Variants in SYK observed in about 807,000 individuals in gnomAD.
The protein encoded by SYK is spleen associated tyrosine kinase.
Under a neutral mutation model 77.8 loss-of-function variants are expected in SYK, and 16 were observed. That is an observed-to-expected ratio of 0.21 (90% CI 0.14 to 0.31). The LOEUF (loss-of-function observed/expected upper bound fraction) is 0.31. Among genes scored for constraint, SYK ranks in the 10% least tolerant of loss-of-function variants. The pLI, the probability that SYK is intolerant of heterozygous loss-of-function variation, is 1.00. For missense variants in SYK, 529 were observed against 814.4 expected, an observed-to-expected ratio of 0.65 and a Z score of 4.26; for synonymous variants, 312 against 308.7, an observed-to-expected ratio of 1.01 and a Z score of -0.11.
chr9:90,862,495 C>A lies in SYK; in HGVS notation c.717+151C>A, dbSNP rs984475315. 7.6e-5 allele frequency: 73 copies of A among 965,988 alleles called. No homozygotes were observed. The African/African-American group carries it at 1.1e-3, about 15-fold the overall frequency. The allele number at this position is 965,988 out of a possible 1,614,324, so 59.8% of individuals were successfully genotyped here. A position where few individuals can be genotyped will look rare whatever the true frequency, so the allele number is the denominator to read the frequency against. On this transcript the variant is annotated intron_variant, in intron 4 of 13. Coordinates refer to ENST00000375754, the MANE Select transcript of SYK (RefSeq NM_003177.7). ...CAGTAGCTCTGGAGCTCATGAGAAA[C>A]ACACACCTGGACCACACCTGGGCTC...
chr9:90,846,361 T>A (rs1826593677), intron 3 of SYK, among the ~76,000 whole-genome samples: 1 of 152,208 alleles, frequency 6.6e-6, no homozygotes, highest in Non-Finnish European at 1.5e-5. Flanking sequence ...CTTGGAAACA[T>A]AACCAGAAAC....
At chr9:90,861,700 A>C (rs899967103) in intron 3 of SYK, among the ~76,000 whole-genome samples, 3 of 152,202 alleles carry the variant, frequency 2.0e-5, no homozygotes, top group Admixed American at 2.0e-4. Flanking sequence ...TCTGGTCCAG[A>C]AGATGGCTGG....
At chr9:90,808,861 C>T (rs935597206) in intron 1 of SYK, among the ~76,000 whole-genome samples, 9 of 152,304 alleles carry the variant, frequency 5.9e-5, no homozygotes, top group Admixed American at 2.6e-4. Flanking sequence ...GTGATTGCCC[C>T]CTTCAGTGTG....
At chr9:90,837,798 C>T (rs1295076663) in intron 1 of SYK, among the ~76,000 whole-genome samples, 1 of 152,184 alleles carries the variant, frequency 6.6e-6, no homozygotes, top group Non-Finnish European at 1.5e-5. Context: ...TAAAGAAAAG[C>T]TACTCAGAGG....
intron 3 of SYK, among the ~76,000 whole-genome samples, chr9:90,855,604 A>C (rs764384968): frequency 2.6e-5 from 4 of 151,986 alleles, no homozygotes; most frequent in Non-Finnish European, 5.9e-5. Flanking sequence ...TCATTGGTTT[A>C]TCCTGCAGGG....
At chr9:90,873,490 AT>A (rs1428979816) in intron 7 of SYK, among the ~76,000 whole-genome samples, 3 of 152,082 alleles carry the variant, frequency 2.0e-5, no homozygotes, top group Non-Finnish European at 4.4e-5. Flanking sequence ...TAATGAGTAG[AT>A]TTCCCCCCCC....
intron 1 of SYK, among the ~76,000 whole-genome samples, chr9:90,810,805 A>G (rs1207819327): frequency 6.6e-6 from 1 of 152,248 alleles, no homozygotes; most frequent in Non-Finnish European, 1.5e-5. Context: ...TAAAGGTGTT[A>G]AGGGAGACAA....
At chr9:90,821,145 C>T (rs1448688554) in intron 1 of SYK, among the ~76,000 whole-genome samples, 1 of 152,126 alleles carries the variant, frequency 6.6e-6, no homozygotes, top group Non-Finnish European at 1.5e-5. Flanking sequence ...TTGTCAAAAC[C>T]ATTCAACAAG....
chr9:90,894,924 T>A (rs1049064093), intron 13 of SYK, among the ~76,000 whole-genome samples: 18 of 152,336 alleles, frequency 1.2e-4, no homozygotes, highest in African/African-American at 4.3e-4. Context: ...TATATTAAGG[T>A]GGATCATAGA....
chr9:90,829,965 T>C (rs906486996), intron 1 of SYK, among the ~76,000 whole-genome samples: 3 of 152,256 alleles, frequency 2.0e-5, no homozygotes, highest in Non-Finnish European at 4.4e-5. Context: ...TTCAATCTTT[T>C]AAGTTCTGAA....
intron 1 of SYK, among the ~76,000 whole-genome samples, chr9:90,811,016 A>G (rs550495234): frequency 5.9e-4 from 89 of 152,012 alleles, no homozygotes; most frequent in African/African-American, 2.1e-3. Context: ...TTCCAAGCTG[A>G]ACAAAGAATA....
chr9:90,854,546 C>G (rs958703566), intron 3 of SYK, among the ~76,000 whole-genome samples: 1 of 152,142 alleles, frequency 6.6e-6, no homozygotes, highest in African/African-American at 2.4e-5. Flanking sequence ...TACATGATCT[C>G]TTGGGACCCT....
chr9:90,864,292 T>G (rs1270361173), intron 4 of SYK, among the ~76,000 whole-genome samples: 1 of 152,194 alleles, frequency 6.6e-6, no homozygotes, highest in Non-Finnish European at 1.5e-5. Context: ...GGTGTTGTTT[T>G]GGATAAATAA....
chr9:90,887,647 C>A, intron 11 of SYK, 102 bp from the exon 12 acceptor site: 1 of 1,310,450 alleles, frequency 7.6e-7, no homozygotes, highest in Non-Finnish European at 1.0e-6. Flanking sequence ...AAGTGATCTG[C>A]TCTCCTCAGC....
intron 7 of SYK, among the ~76,000 whole-genome samples, chr9:90,868,963 G>T (rs557191970): frequency 6.6e-6 from 1 of 152,298 alleles, no homozygotes; most frequent in East Asian, 1.9e-4. Context: ...AGGCAGCTGA[G>T]ATCTAGAATT....
At chr9:90,845,144 C>A (rs1415927996) in intron 2 of SYK, among the ~76,000 whole-genome samples, 1 of 152,154 alleles carries the variant, frequency 6.6e-6, no homozygotes, top group African/African-American at 2.4e-5. Context: ...CCATGCTGGC[C>A]AGGCTGGTCT....
chr9:90,812,402 G>C (rs1433504883), intron 1 of SYK, among the ~76,000 whole-genome samples: 1 of 152,112 alleles, frequency 6.6e-6, no homozygotes, highest in East Asian at 1.9e-4. Flanking sequence ...TCACCCAAAG[G>C]TGTACAGCCA....
chr9:90,892,524 A>T (rs1828835567), intron 13 of SYK, among the ~76,000 whole-genome samples: 1 of 151,884 alleles, frequency 6.6e-6, no homozygotes, highest in African/African-American at 2.4e-5. Flanking sequence ...CCCATGCTTC[A>T]CTCCTTCCCC....
intron 3 of SYK, among the ~76,000 whole-genome samples, chr9:90,859,189 A>C (rs749453277): frequency 3.3e-5 from 5 of 152,234 alleles, no homozygotes; most frequent in African/African-American, 7.2e-5. Context: ...CCAGCATTGC[A>C]GGAGACCACT....
Sources: gnomAD v4.1 joint callset for allele counts (sites outside exome capture counted in the v4.1 genomes callset) on GRCh38, gnomAD v4.1.1 for gene constraint, MANE v1.5 for transcripts, NCBI Gene and HGNC (gene_info 2026-07-23, HGNC 2026-07-21) for gene names.